The following DCLK1 variants were observed in gnomAD, a reference collection of about 807,000 sequenced individuals.
DCLK1 encodes the protein serine/threonine-protein kinase DCLK1.
Under a neutral mutation model 86.2 loss-of-function variants are expected in DCLK1, and 16 were observed. That is an observed-to-expected ratio of 0.19 (90% CI 0.13 to 0.28). The LOEUF (loss-of-function observed/expected upper bound fraction) is 0.28. Ranked by LOEUF, DCLK1 falls within the 10% of genes least tolerant of loss-of-function variation. DCLK1 has a pLI of 1.00. For synonymous variants in DCLK1, 369 were observed against 370.5 expected, an observed-to-expected ratio of 1.00 and a Z score of 0.05; for missense variants, 590 against 940.2, an observed-to-expected ratio of 0.63 and a Z score of 4.87.
At chr13:35,810,220 C>T (rs2087114625) in intron 12 of DCLK1, among the ~76,000 whole-genome samples, 1 of 152,184 alleles carries the variant, frequency 6.6e-6, no homozygotes, top group Non-Finnish European at 1.5e-5. Flanking sequence ...AAATGGGAAT[C>T]AAACCATCGA....
At chr13:36,094,030 A>C (rs1417211559) in intron 3 of DCLK1, among the ~76,000 whole-genome samples, 2 of 152,194 alleles carry the variant, frequency 1.3e-5, no homozygotes, top group African/African-American at 4.8e-5. Context: ...ATGGCACTAC[A>C]GGCACCCAGC....
intron 3 of DCLK1, among the ~76,000 whole-genome samples, chr13:36,054,556 C>A (rs1384290422): frequency 6.6e-6 from 1 of 152,068 alleles, no homozygotes; most frequent in Non-Finnish European, 1.5e-5. Flanking sequence ...AAACAACCAA[C>A]CAAACAAACA....
chr13:35,903,209 T>C (rs1874477945), intron 4 of DCLK1, among the ~76,000 whole-genome samples: 1 of 152,180 alleles, frequency 6.6e-6, no homozygotes, highest in Non-Finnish European at 1.5e-5. Flanking sequence ...CAGCATAAGA[T>C]TAGAAATGCA....
intron 16 of DCLK1, among the ~76,000 whole-genome samples, chr13:35,779,819 T>A (rs1282281976): frequency 6.6e-6 from 1 of 152,176 alleles, no homozygotes; most frequent in African/African-American, 2.4e-5. Context: ...TTAACTTGAC[T>A]CTAAAATATA....
chr13:35,945,876 C>T (rs1359608878), intron 4 of DCLK1, among the ~76,000 whole-genome samples: 1 of 152,144 alleles, frequency 6.6e-6, no homozygotes, highest in African/African-American at 2.4e-5. Flanking sequence ...AAAGGGATGC[C>T]AAACCACTTG....
intron 3 of DCLK1, among the ~76,000 whole-genome samples, chr13:35,978,203 CTTTTTTTTTTT>C (rs11311688): frequency 6.0e-5 from 5 of 82,762 alleles, no homozygotes; most frequent in South Asian, 4.5e-4. Context: ...CTTTTCTTTT[CTTTTTTTTTTT>C]TTTTTTTTTT....
In DCLK1 at chr13:35,919,777, A is replaced by G. The variant is rs558089502; in HGVS notation, c.823+27581T>C. ...GGAGTTTGAGATTAGCCTGGGCAAC[A>G]CAGTGAGACCCCACCCCTCTCAAAA... On this transcript the variant is annotated intron_variant, in intron 4 of 16. Coordinates refer to ENST00000360631, the MANE Select transcript of DCLK1 (RefSeq NM_001330071.2). Among the ~76,000 whole-genome samples, 3 of 152,078 alleles carry G rather than the reference A, an allele frequency of 2.0e-5. No individual in the cohort carries two copies. The East Asian group carries it at 5.8e-4, about 30-fold the overall frequency.
intron 3 of DCLK1, among the ~76,000 whole-genome samples, chr13:36,107,220 C>T (rs190701935): frequency 1.3e-5 from 2 of 152,138 alleles, no homozygotes; most frequent in East Asian, 1.9e-4. Flanking sequence ...TTTCTCATGG[C>T]TTACCATCGA....
At chr13:35,831,040 G>A (rs1868920437) in intron 8 of DCLK1, among the ~76,000 whole-genome samples, 1 of 152,192 alleles carries the variant, frequency 6.6e-6, no homozygotes, top group African/African-American at 2.4e-5. Flanking sequence ...CTCCCAGCAG[G>A]CCAAGGAAGC....
intron 4 of DCLK1, among the ~76,000 whole-genome samples, chr13:35,932,989 AG>A (rs767476604): frequency 1.4e-4 from 22 of 152,216 alleles, no homozygotes; most frequent in Non-Finnish European, 2.9e-4. Context: ...AAAGTAAGTT[AG>A]TTACTTCCTA....
intron 3 of DCLK1, among the ~76,000 whole-genome samples, chr13:35,956,469 A>G (rs1178890893): frequency 6.6e-6 from 1 of 152,192 alleles, no homozygotes; most frequent in Non-Finnish European, 1.5e-5. Context: ...ATGAAGAGAA[A>G]CATGAAGCCA....
chr13:35,852,587 A>T (rs1870736993), intron 6 of DCLK1, among the ~76,000 whole-genome samples: 1 of 152,190 alleles, frequency 6.6e-6, no homozygotes, highest in Non-Finnish European at 1.5e-5. Context: ...AAGAATCTAT[A>T]AGAAAGCCAT....
intron 2 of DCLK1, among the ~76,000 whole-genome samples, chr13:36,122,652 G>T (rs2138213060): frequency 6.6e-6 from 1 of 152,234 alleles, no homozygotes; most frequent in East Asian, 1.9e-4. Flanking sequence ...GTCTCAAGAT[G>T]AATCACTTGC....
At chr13:36,012,651 G>A (rs1881333753) in intron 3 of DCLK1, among the ~76,000 whole-genome samples, 2 of 136,066 alleles carry the variant, frequency 1.5e-5, no homozygotes, top group African/African-American at 5.6e-5. Flanking sequence ...CTCTCTGGCT[G>A]CCCTTAACAT....
Position 35,817,396 on chromosome 13 carries a change from A to T in DCLK1, c.1554+5333T>A, listed in dbSNP as rs567044539. ...AGAATTTTTTTTCTAAACACCCCCA[A>T]AAAAAGGATCGTTCAGTTTCTGCCC... On this transcript the variant is annotated intron_variant, in intron 11 of 16. Coordinates refer to ENST00000360631, the MANE Select transcript of DCLK1 (RefSeq NM_001330071.2). 1.7e-4 allele frequency among the ~76,000 whole-genome samples: 26 copies of T among 152,242 alleles called. No individual in the cohort carries two copies. The South Asian group carries it at 5.4e-3, about 32-fold the overall frequency.
chr13:35,886,619 C>T (rs1226022369), intron 4 of DCLK1, among the ~76,000 whole-genome samples: 2 of 151,884 alleles, frequency 1.3e-5, no homozygotes, highest in Non-Finnish European at 1.5e-5. Flanking sequence ...CTCAGTTATG[C>T]CTATGGGTTT....
At chr13:35,794,748 C>T (rs546697425) in intron 15 of DCLK1, among the ~76,000 whole-genome samples, 21 of 152,374 alleles carry the variant, frequency 1.4e-4, no homozygotes, top group African/African-American at 5.1e-4. Context: ...AAGTTAAGCA[C>T]AGTCCATTCT....
At chr13:36,016,881 G>A (rs1309162891) in intron 3 of DCLK1, among the ~76,000 whole-genome samples, 2 of 152,142 alleles carry the variant, frequency 1.3e-5, no homozygotes, top group African/African-American at 4.8e-5. Context: ...TTGACACGGT[G>A]TGCGTACTTC....
chr13:35,793,623 A>G (rs891553383), intron 15 of DCLK1, 144 bp from the exon 16 acceptor site: 23 of 555,520 alleles, frequency 4.1e-5, no homozygotes, highest in Admixed American at 1.4e-4. Context: ...CTCATTAAAC[A>G]CTATTGTTGG....
Sources: gnomAD v4.1 joint callset for allele counts (sites outside exome capture counted in the v4.1 genomes callset) on GRCh38, gnomAD v4.1.1 for gene constraint, MANE v1.5 for transcripts, NCBI Gene and HGNC (gene_info 2026-07-23, HGNC 2026-07-21) for gene names.